The following ARHGEF33 variants were observed in gnomAD, a reference collection of about 807,000 sequenced individuals.
ARHGEF33 encodes DH and coiled-coil domain-containing protein ENSP00000381780.
In ARHGEF33, 72 loss-of-function variants were observed where a neutral mutation model predicts 101.9. The ratio of observed to expected loss-of-function variants is 0.71; its 90% CI spans 0.58 to 0.86. The LOEUF is 0.86. Among genes scored for constraint, ARHGEF33 ranks in the 40% least tolerant of loss-of-function variants. The probability of loss-of-function intolerance (pLI) is 0.00; values close to 1 mark genes in which losing one functional copy is unlikely to be tolerated. For synonymous variants in ARHGEF33, 499 were observed against 442.5 expected (o/e 1.13, Z -1.60); for missense variants, 1,169 against 1,111.3 (o/e 1.05, Z -0.74).
chr2:38,951,535 A>C (rs1487948599), intron 11 of ARHGEF33, among the ~76,000 whole-genome samples: 2 of 152,082 alleles, frequency 1.3e-5, no homozygotes, highest in Non-Finnish European at 2.9e-5. Context: ...GGGAGGCTGA[A>C]GCAGGAGAAT....
intron 4 of ARHGEF33, among the ~76,000 whole-genome samples, chr2:38,922,033 A>G (rs1666770896): frequency 6.6e-6 from 1 of 152,218 alleles, no homozygotes; most frequent in Non-Finnish European, 1.5e-5. Context: ...TCTGCAAAAC[A>G]TCTTTGCAGT....
rs138292285 is a variant in ARHGEF33, at chr2:38,899,284, A to G, written c.-86+3435A>G. On this transcript the variant is annotated intron_variant, in intron 2 of 17. Transcript: ENST00000409978. Reference sequence around the variant, plus strand: ...ATCTGATCATTAAAAAATATTTGATAATTTTTTAAATTGCTGAAAATTAAG... The same window carrying G: ...ATCTGATCATTAAAAAATATTTGATGATTTTTTAAATTGCTGAAAATTAAG... Among the ~76,000 whole-genome samples the G allele has an allele frequency of 3.5e-3, 539 of 152,284 alleles. 5 individuals are homozygous for G. Among genetic ancestry groups the G allele is most frequent in the African/African-American group, 0.012 (491 of 41,556 alleles).
At position 38,960,100 on chromosome 2, in the gene ARHGEF33, G is replaced by GCCGAGCTCCTGCCCC; in HGVS notation, c.1809_1810insCCCGAGCTCCTGCCC (p.Pro603_Asp604insProGluLeuLeuPro). 6.5e-7 allele frequency: 1 copy of GCCGAGCTCCTGCCCC among 1,542,094 alleles called. No individual in the cohort carries two copies. The highest frequency in any genetic ancestry group is 1.2e-5 in the South Asian group (1 of 83,898). The stretch of plus-strand genomic sequence containing the variant: ...CGTGGAGCGCTCCCTGCGCGCCCCG[G>GCCGAGCTCCTGCCCC]CCGAGCTCCTGCCCGATGCCCGCGG... On this transcript the variant is annotated inframe_insertion, in exon 16 of 18. Coordinates refer to ENST00000409978, the MANE Select transcript of ARHGEF33 (RefSeq NM_001145451.5).
intron 12 of ARHGEF33, among the ~76,000 whole-genome samples, chr2:38,953,912 G>A (rs1667675785): frequency 6.6e-6 from 1 of 152,246 alleles, no homozygotes. Flanking sequence ...AAGGGACACA[G>A]AGAAAGTGCA....
intron 10 of ARHGEF33, among the ~76,000 whole-genome samples, chr2:38,947,124 A>G (rs1383819939): frequency 6.6e-6 from 1 of 152,248 alleles, no homozygotes; most frequent in African/African-American, 2.4e-5. Flanking sequence ...ACAAACCTTC[A>G]GCACTTTTTA....
chr2:38,943,567 A>T (rs145231054), intron 9 of ARHGEF33, among the ~76,000 whole-genome samples: 99 of 152,162 alleles, frequency 6.5e-4, no homozygotes, highest in African/African-American at 2.4e-3. Context: ...TGGAGGTTCA[A>T]TTGCCCCATA....
Position 38,937,359 on chromosome 2 carries a change from C to A in ARHGEF33, c.590C>A (p.Ala197Glu). Reference protein sequence around the residue: ...GPGVNPTTPEAEENLKSCLSA... With the variant: ...GPGVNPTTPEEEENLKSCLSA... ...GGAGTGAACCCAACAACTCCAGAAG[C>A]AGAAGAAAACCTCAAGTCTTGCCTC... is the stretch of plus-strand genomic sequence containing the variant. The change falls in exon 9 of 18, where the codon GCA becomes GAA. Residue 197 changes from alanine (A) to glutamate (E), a missense_variant. By Grantham distance (107) the Ala-to-Glu change is moderately radical (BLOSUM62 -1). Transcript: ENST00000409978. 7.8e-7 allele frequency: 1 copy of A among 1,274,314 alleles called. No individual in the cohort carries two copies. Among genetic ancestry groups the A allele is most frequent in the Non-Finnish European group, 1.0e-6 (1 of 965,954 alleles). 78.9% of individuals were successfully genotyped at this position (1,274,314 alleles called of 1,614,324 possible). A position where few individuals can be genotyped will look rare whatever the true frequency, so the allele number is the denominator to read the frequency against.
At chr2:38,899,593 G>A (rs1666198438) in intron 2 of ARHGEF33, among the ~76,000 whole-genome samples, 1 of 152,050 alleles carries the variant, frequency 6.6e-6, no homozygotes, top group Non-Finnish European at 1.5e-5. Flanking sequence ...TGGTCAAAGG[G>A]TACACATTTC....
At chr2:38,958,571 A>C (rs187794029) in intron 15 of ARHGEF33, among the ~76,000 whole-genome samples, 2 of 152,252 alleles carry the variant, frequency 1.3e-5, no homozygotes, top group East Asian at 3.9e-4. Flanking sequence ...TAAAACCCCC[A>C]ATCTTTCTTC....
At chr2:38,916,296 C>A (rs542537945) in intron 2 of ARHGEF33, among the ~76,000 whole-genome samples, 1 of 152,112 alleles carries the variant, frequency 6.6e-6, no homozygotes, top group Non-Finnish European at 1.5e-5. Context: ...TTCTAAAGAC[C>A]GTTTTTAAAG....
Position 38,975,248 on chromosome 2 carries a change from A to G in ARHGEF33, c.*1405A>G, listed in dbSNP as rs1668251874. The G allele has an allele frequency of 6.6e-6, 1 of 152,234 alleles. No individual in the cohort carries two copies. The highest frequency in any genetic ancestry group is 2.4e-5 in the African/African-American group (1 of 41,458). 9.4% of individuals were successfully genotyped at this position (152,234 alleles called of 1,614,324 possible). A position where few individuals can be genotyped will look rare whatever the true frequency, so the allele number is the denominator to read the frequency against. ...AGTAGTTGTCTGGAACACATAAAGG[A>G]TCACTGCCAAGTTTTTTGAGTTTCC... is the stretch of plus-strand genomic sequence containing the variant. On this transcript the variant is annotated 3_prime_UTR_variant, in exon 18 of 18. Transcript: ENST00000409978.
chr2:38,932,953 T>C (rs775886589), intron 7 of ARHGEF33, among the ~76,000 whole-genome samples: 7 of 152,238 alleles, frequency 4.6e-5, no homozygotes, highest in Non-Finnish European at 1.0e-4. Context: ...CTGCACATAC[T>C]TGGTGGCAGC....
chr2:38,893,159 T>C (rs1666043484), intron 1 of ARHGEF33, among the ~76,000 whole-genome samples: 1 of 5,154 alleles, frequency 1.9e-4, no homozygotes, highest in South Asian at 0.045. Flanking sequence ...TGGTAATCCT[T>C]TTTTTTTTTT....
rs931821786 is a variant in ARHGEF33, at chr2:38,973,752, A to G, written c.2522A>G (p.Asn841Ser). The change falls in exon 18 of 18, where the codon AAT becomes AGT. Residue 841 changes from asparagine (N) to serine (S), a missense_variant. Coordinates refer to ENST00000409978, the MANE Select transcript of ARHGEF33 (RefSeq NM_001145451.5). ...GAATACAGGGAAAAAACTAATGAGA[A>G]TCCCTCAATGGATCCTTCACCCACC... ...GSEYREKTNE[N>S]PSMDPSPTKQ... is the part of the protein sequence containing the mutation. 3 of 1,546,030 alleles carry G rather than the reference A, an allele frequency of 1.9e-6. No homozygotes were observed. The highest frequency in any genetic ancestry group is 2.7e-5 in the African/African-American group (2 of 72,828).
chr2:38,914,991 T>C (rs1174924393), intron 2 of ARHGEF33, among the ~76,000 whole-genome samples: 1 of 152,142 alleles, frequency 6.6e-6, no homozygotes, highest in East Asian at 1.9e-4. Flanking sequence ...ATTTTATCTG[T>C]ACAACAATAA....
chr2:38,949,892 G>A (rs1043467030), intron 10 of ARHGEF33, among the ~76,000 whole-genome samples: 6 of 152,144 alleles, frequency 3.9e-5, no homozygotes, highest in East Asian at 1.9e-4. Context: ...GACGGGAGGC[G>A]CTACGCACTT....
chr2:38,935,702 G>A, intron 7 of ARHGEF33, 73 bp from the exon 8 acceptor site: 1 of 1,262,316 alleles, frequency 7.9e-7, no homozygotes, highest in South Asian at 1.3e-5. Context: ...TGCCCCCAGT[G>A]CCAGGCTCGT....
In ARHGEF33 at chr2:38,960,252, G is replaced by C; in HGVS notation, c.1947G>C (p.Glu649Asp). The C allele has an allele frequency of 6.5e-7, 1 of 1,548,210 alleles. No homozygotes were observed. The highest frequency in any genetic ancestry group is 8.7e-7 in the Non-Finnish European group (1 of 1,146,228). Residue 649 changes from glutamate to aspartate, a missense_variant, in exon 16 of 18, where the codon GAG becomes GAC. Physicochemically the swap from Glu to Asp is conservative, Grantham distance 45 (BLOSUM62 2). Transcript: ENST00000409978. ...AGAACTGCTCGCCTGCCTCCTCCGA[G>C]TCCAGCCTGGACATCTGCTTCCTGC... is the stretch of plus-strand genomic sequence containing the variant. The part of the protein sequence containing the change: ...LFENCSPASS[E>D]SSLDICFLRP...
At chr2:38,942,468 C>CTTTTT (rs58695451) in intron 9 of ARHGEF33, among the ~76,000 whole-genome samples, 2 of 132,786 alleles carry the variant, frequency 1.5e-5, no homozygotes, top group Non-Finnish European at 3.2e-5. Flanking sequence ...CCCCTCTTAT[C>CTTTTT]TTTTTTTTTT....
Sources: allele counts gnomAD v4.1 joint callset (sites outside exome capture counted in the v4.1 genomes callset), GRCh38; gene constraint gnomAD v4.1.1; transcripts MANE v1.5; gene names NCBI Gene and HGNC (gene_info 2026-07-23, HGNC 2026-07-21).